Variants in LMBR1 observed in about 807,000 individuals in gnomAD.
The protein encoded by LMBR1 is limb region 1 protein homolog.
In LMBR1, 52 loss-of-function variants were observed where a neutral mutation model predicts 73.9. The observed-to-expected ratio is 0.70, with a 90% confidence interval of 0.56 to 0.89. The LOEUF (loss-of-function observed/expected upper bound fraction) is 0.89. Ranked by LOEUF, LMBR1 falls within the 40% of genes least tolerant of loss-of-function variation. LMBR1 has a pLI of 0.00. For missense variants in LMBR1, 539 were observed against 579.8 expected (o/e 0.93, Z 0.72); for synonymous variants, 215 against 209.4 (o/e 1.03, Z -0.23).
chr7:156,837,490 G>A (rs1837873320), intron 1 of LMBR1, among the ~76,000 whole-genome samples: 2 of 148,044 alleles, frequency 1.4e-5, no homozygotes, highest in South Asian at 4.2e-4. Context: ...GAAATGTGAA[G>A]AATCAGACCA....
chr7:156,772,207 G>A (rs1825318479), intron 5 of LMBR1, among the ~76,000 whole-genome samples: 1 of 152,198 alleles, frequency 6.6e-6, no homozygotes, highest in Non-Finnish European at 1.5e-5. Context: ...CTGGGAGGCA[G>A]AGGTTGCAGT....
intron 15 of LMBR1, among the ~76,000 whole-genome samples, chr7:156,719,104 G>C (rs1813888853): frequency 1.3e-5 from 2 of 151,124 alleles, no homozygotes; most frequent in Non-Finnish European, 2.9e-5. Flanking sequence ...TTTAGCATTA[G>C]GTATATCTCC....
intron 5 of LMBR1, among the ~76,000 whole-genome samples, chr7:156,783,180 T>G (rs1380904736): frequency 6.6e-6 from 1 of 152,110 alleles, no homozygotes; most frequent in Non-Finnish European, 1.5e-5. Context: ...TTCAACATCT[T>G]TCTTTTTTTG....
At chr7:156,686,263 TC>T (rs1483631139) in intron 16 of LMBR1, among the ~76,000 whole-genome samples, 1 of 152,150 alleles carries the variant, frequency 6.6e-6, no homozygotes, top group African/African-American at 2.4e-5. Context: ...CCAGAAACAA[TC>T]CCGTCCATTA....
chr7:156,750,780 A>G (rs1428431829), intron 9 of LMBR1, among the ~76,000 whole-genome samples: 1 of 152,158 alleles, frequency 6.6e-6, no homozygotes, highest in Non-Finnish European at 1.5e-5. Flanking sequence ...TCGCTGCCCC[A>G]ATAAGGTGCG....
At chr7:156,863,770 A>G (rs1798052720) in intron 1 of LMBR1, among the ~76,000 whole-genome samples, 1 of 152,184 alleles carries the variant, frequency 6.6e-6, no homozygotes, top group East Asian at 1.9e-4. Context: ...AAATATATTT[A>G]CCATTGCAGT....
In LMBR1 at chr7:156,712,960, C is replaced by T. The variant is rs139712936; in HGVS notation, c.1225+11152G>A. ...CCTACAAGCCCTGACTACACCATTA[C>T]ACAATCTATGCATGCAACAAAATTG... On this transcript the variant is annotated intron_variant, in intron 15 of 16. Coordinates refer to ENST00000353442, the MANE Select transcript of LMBR1 (RefSeq NM_022458.4). 1.1e-4 allele frequency among the ~76,000 whole-genome samples: 17 copies of T among 152,266 alleles called. No individual in the cohort carries two copies. In the East Asian group the frequency reaches 3.3e-3, roughly 29 times the overall value.
chr7:156,754,920 C>G (rs1398301191), intron 9 of LMBR1, among the ~76,000 whole-genome samples: 1 of 152,200 alleles, frequency 6.6e-6, no homozygotes, highest in Admixed American at 6.5e-5. Context: ...CCACCTGAAA[C>G]AGTCCACAGT....
At chr7:156,790,689 T>C (rs1194125900) in intron 5 of LMBR1, among the ~76,000 whole-genome samples, 4 of 152,044 alleles carry the variant, frequency 2.6e-5, no homozygotes, top group Admixed American at 6.5e-5. Context: ...AGTGCCCTCC[T>C]AGATCCAACT....
chr7:156,674,947 G>T (rs1803474625), downstream of LMBR1, among the ~76,000 whole-genome samples: 1 of 152,176 alleles, frequency 6.6e-6, no homozygotes, highest in Non-Finnish European at 1.5e-5. Flanking sequence ...TCACAACCAA[G>T]AAAACAGCAG....
In LMBR1 at chr7:156,696,910, CA is replaced by C. The variant is rs199945486; in HGVS notation, c.1226-8720del. On this transcript the variant is annotated intron_variant, in intron 15 of 16. Coordinates refer to ENST00000353442, the MANE Select transcript of LMBR1 (RefSeq NM_022458.4). ...CCACAGTCCAAAGTCTCATCTGAGA[CA>C]AGGCAAGTACCTTCTGCCTATGAGC... is the stretch of plus-strand genomic sequence containing the variant. 4.6e-3 allele frequency among the ~76,000 whole-genome samples: 694 copies of C among 152,302 alleles called. 24 individuals carry two copies. In the South Asian group the frequency reaches 0.074, roughly 16 times the overall value.
intron 5 of LMBR1, among the ~76,000 whole-genome samples, chr7:156,779,170 G>A (rs1320891555): frequency 6.6e-6 from 1 of 152,054 alleles, no homozygotes; most frequent in African/African-American, 2.4e-5. Context: ...CTTAGATTAT[G>A]TCATATATCA....
At position 156,740,720 on chromosome 7, in the gene LMBR1, C is replaced by T. The variant is rs1818725994; in HGVS notation, c.758-6463G>A. Among the ~76,000 whole-genome samples the T allele has an allele frequency of 2.6e-5, 4 of 152,244 alleles. No individual in the cohort carries two copies. In the South Asian group the frequency reaches 8.3e-4, roughly 32 times the overall value. ...CAAAAGCTGAGGCATTTCATCAACA[C>T]TAGACTTGTCCTACAAGAAATGCTA... On this transcript the variant is annotated intron_variant, in intron 9 of 16. Transcript: ENST00000353442.
intron 3 of LMBR1, among the ~76,000 whole-genome samples, chr7:156,828,187 T>C (rs1488918754): frequency 6.6e-6 from 1 of 152,328 alleles, no homozygotes; most frequent in South Asian, 2.1e-4. Flanking sequence ...TCTCTCACTA[T>C]GACCCATTTC....
intron 12 of LMBR1, among the ~76,000 whole-genome samples, chr7:156,727,471 A>T (rs1815990939): frequency 6.6e-6 from 1 of 152,182 alleles, no homozygotes; most frequent in Non-Finnish European, 1.5e-5. Context: ...AAGACTGTAC[A>T]TGGCAAAGGG....
downstream of LMBR1, among the ~76,000 whole-genome samples, chr7:156,672,925 C>G (rs1802883961): frequency 6.6e-6 from 1 of 152,236 alleles, no homozygotes. Context: ...CCTGAATGGG[C>G]CTCAGAATCA....
intron 9 of LMBR1, among the ~76,000 whole-genome samples, chr7:156,750,173 G>A (rs1330540095): frequency 2.0e-5 from 3 of 152,052 alleles, no homozygotes; most frequent in Non-Finnish European, 4.4e-5. Context: ...TCTTCATTAT[G>A]GTACTACTTC....
chr7:156,851,598 G>C (rs1796246275), intron 1 of LMBR1, among the ~76,000 whole-genome samples: 2 of 152,182 alleles, frequency 1.3e-5, no homozygotes. Flanking sequence ...GGGGGCTGGG[G>C]AGTGAGGAGA....
At chr7:156,703,195 C>A (rs547390693) in intron 15 of LMBR1, among the ~76,000 whole-genome samples, 2 of 152,336 alleles carry the variant, frequency 1.3e-5, no homozygotes, top group Admixed American at 1.3e-4. Context: ...AGATGCCATT[C>A]TTGATCTTAG....
Sources: allele counts gnomAD v4.1 joint callset (sites outside exome capture counted in the v4.1 genomes callset), GRCh38; gene constraint gnomAD v4.1.1; transcripts MANE v1.5; gene names NCBI Gene and HGNC (gene_info 2026-07-23, HGNC 2026-07-21).